The following RMDN1 variants were observed in gnomAD, a reference collection of about 807,000 sequenced individuals.
RMDN1 encodes regulator of microtubule dynamics 1.
Under a neutral mutation model 48.9 loss-of-function variants are expected in RMDN1, and 48 were observed. The ratio of observed to expected loss-of-function variants is 0.98; its 90% CI spans 0.78 to 1.25. The LOEUF is 1.25. Among genes scored for constraint, RMDN1 ranks in the 50% most tolerant of loss-of-function variants. The probability of loss-of-function intolerance (pLI) is 0.00; values close to 1 mark genes in which losing one functional copy is unlikely to be tolerated. For missense variants in RMDN1, 418 were observed against 373.4 expected (o/e 1.12, Z -0.98); for synonymous variants, 148 against 132.6 (o/e 1.12, Z -0.80).
In RMDN1 at chr8:86,473,609, T is replaced by TA. The variant is rs760157862; in HGVS notation, c.*698dup. 9.8e-6 allele frequency: 4 copies of TA among 406,258 alleles called. No individual in the cohort carries two copies. The highest frequency in any genetic ancestry group is 1.3e-5 in the Non-Finnish European group (4 of 301,218). 25.2% of individuals were successfully genotyped at this position (406,258 alleles called of 1,614,324 possible). Reference sequence around the variant, plus strand: ...GGCAAAACCCCATCTCTACCAAAAATACAAAAGTTAGCCGAGTGTGGTGGT... The same window carrying TA: ...GGCAAAACCCCATCTCTACCAAAAATAACAAAAGTTAGCCGAGTGTGGTGGT... On this transcript the variant is annotated 3_prime_UTR_variant, in exon 10 of 10. Coordinates refer to ENST00000406452, the MANE Select transcript of RMDN1 (RefSeq NM_016033.3).
At chr8:86,486,773 G>A (rs974728370) in intron 3 of RMDN1, 130 bp from the exon 4 acceptor site, 2 of 529,726 alleles carry the variant, frequency 3.8e-6, no homozygotes, top group Non-Finnish European at 6.0e-6. Context: ...AAAGCCATTA[G>A]TAATAATGCT....
chr8:86,491,593 C>T (rs1409669785), intron 2 of RMDN1, among the ~76,000 whole-genome samples: 1 of 152,024 alleles, frequency 6.6e-6, no homozygotes, highest in East Asian at 1.9e-4. Flanking sequence ...AACATAGAGA[C>T]CATATTCTAT....
upstream of RMDN1, chr8:86,508,711 C>T: frequency 6.7e-6 from 9 of 1,343,106 alleles, no homozygotes; most frequent in African/African-American, 1.7e-5. Context: ...CGGAAAGAAC[C>T]GCGCCCGCCC....
At chr8:86,484,160 G>A (rs745435460) in intron 5 of RMDN1, among the ~76,000 whole-genome samples, 19 of 152,132 alleles carry the variant, frequency 1.2e-4, no homozygotes, top group Admixed American at 2.6e-4. Flanking sequence ...TGCAAGCAGA[G>A]GCTTGCTAGA....
intron 2 of RMDN1, among the ~76,000 whole-genome samples, chr8:86,501,784 A>G (rs528697271): frequency 6.6e-6 from 1 of 152,294 alleles, no homozygotes; most frequent in East Asian, 1.9e-4. Context: ...TGTCCTAACT[A>G]TTTTATAAGG....
chr8:86,504,864 T>A, intron 2 of RMDN1: 1 of 1,071,180 alleles, frequency 9.3e-7, no homozygotes, highest in African/African-American at 1.6e-5. Flanking sequence ...TTTAGGAGCC[T>A]GTATTTTTAT....
chr8:86,507,523 A>G (rs1293363002), intron 1 of RMDN1, among the ~76,000 whole-genome samples: 1 of 152,212 alleles, frequency 6.6e-6, no homozygotes, highest in Non-Finnish European at 1.5e-5. Flanking sequence ...ATTTTTTTGT[A>G]GAGACAGGGT....
rs1470489941 is a variant in RMDN1 at position 86,477,731 on chromosome 8, T to C, written c.730-407A>G. 2.0e-5 allele frequency among the ~76,000 whole-genome samples: 3 copies of C among 152,346 alleles called. No homozygotes were observed. In the East Asian group the frequency reaches 5.8e-4, roughly 29 times the overall value. On this transcript the variant is annotated intron_variant, in intron 7 of 9. Coordinates refer to ENST00000406452, the MANE Select transcript of RMDN1 (RefSeq NM_016033.3). ...GTGAATTTTTAAGAGTCCATTATTA[T>C]TGAAATTCCTACATACAATGTTAAG...
At position 86,486,479 on chromosome 8, in the gene RMDN1, C is replaced by T. The variant is rs200164927; in HGVS notation, c.495+5G>A. The T allele has an allele frequency of 3.2e-5, 50 of 1,580,472 alleles. No homozygotes were observed. Among genetic ancestry groups the T allele is most frequent in the Non-Finnish European group, 6.9e-6 (8 of 1,160,624 alleles). ...CATGGTTAATAGCTTAGTTAAGCAA[C>T]TCACCTTATGAGATGCAAAACTTGA... On this transcript the variant is annotated splice_donor_5th_base_variant and intron_variant, in intron 4 of 9. Transcript: ENST00000406452.
At chr8:86,483,020 A>G (rs1420694174) in intron 5 of RMDN1, 37 of 591,976 alleles carry the variant, frequency 6.3e-5, no homozygotes, top group Non-Finnish European at 9.3e-5. Context: ...GCAGCCGCCC[A>G]GGCCAGGGTT....
At chr8:86,485,520 T>A (rs541563699) in intron 4 of RMDN1, among the ~76,000 whole-genome samples, 2 of 152,238 alleles carry the variant, frequency 1.3e-5, no homozygotes, top group African/African-American at 4.8e-5. Context: ...TCCAAGAAAG[T>A]TACCAACACA....
intron 2 of RMDN1, among the ~76,000 whole-genome samples, chr8:86,502,224 ATTT>A (rs908627921): frequency 6.6e-6 from 1 of 151,438 alleles, no homozygotes; most frequent in Non-Finnish European, 1.5e-5. Flanking sequence ...GGTTTAACTA[ATTT>A]TTTTTTAACT....
chr8:86,513,904 G>A (rs940298005), intron 1 of RMDN1, among the ~76,000 whole-genome samples: 14 of 151,204 alleles, frequency 9.3e-5, no homozygotes, highest in Middle Eastern at 6.3e-3. Flanking sequence ...AGGCTGGAGT[G>A]CAGAGGCACG....
chr8:86,486,484 C>G lies in RMDN1; in HGVS notation c.495G>C (p.Lys165Asn). Residue 165 changes from lysine to asparagine, a missense_variant and splice_region_variant, in exon 4 of 10, where the codon AAG (lysine) becomes AAC (asparagine). Coordinates refer to ENST00000406452, the MANE Select transcript of RMDN1 (RefSeq NM_016033.3). ...TTAATAGCTTAGTTAAGCAACTCACCTTATGAGATGCAAAACTTGATTCAT... is the reference window on the plus strand; with the variant it reads ...TTAATAGCTTAGTTAAGCAACTCACGTTATGAGATGCAAAACTTGATTCAT... ...EKNESSFASH[K>N]WYAICLSDVG... 1.3e-6 allele frequency: 2 copies of G among 1,594,258 alleles called. No homozygotes were observed. The highest frequency in any genetic ancestry group is 1.7e-6 in the Non-Finnish European group (2 of 1,168,042).
chr8:86,481,531 C>T (rs1003439647), intron 5 of RMDN1, among the ~76,000 whole-genome samples: 2 of 146,572 alleles, frequency 1.4e-5, no homozygotes, highest in Non-Finnish European at 3.0e-5. Context: ...CAATGGATGC[C>T]TGGGGGGATC....
At chr8:86,482,076 C>T (rs564236223) in intron 5 of RMDN1, 77 of 619,078 alleles carry the variant, frequency 1.2e-4, no homozygotes, top group Admixed American at 2.3e-4. Context: ...TCACGCGGCA[C>T]GCAGCTGCTC....
intron 5 of RMDN1, among the ~76,000 whole-genome samples, chr8:86,483,178 G>C (rs112449599): frequency 6.6e-6 from 1 of 152,084 alleles, no homozygotes; most frequent in Non-Finnish European, 1.5e-5. Flanking sequence ...CAGTATAAAT[G>C]ATCTTTTTTA....
intron 3 of RMDN1, among the ~76,000 whole-genome samples, chr8:86,487,827 GA>G (rs1286604487): frequency 2.0e-5 from 3 of 152,100 alleles, no homozygotes. Context: ...GAATGGAGAA[GA>G]AAAGATCAAT....
chr8:86,500,739 G>A (rs114219521), intron 2 of RMDN1, among the ~76,000 whole-genome samples: 2,362 of 152,142 alleles, frequency 0.016, 61 homozygotes, highest in African/African-American at 0.054. Context: ...TGACACACAC[G>A]TCCTTAAGTT....
Sources: gnomAD v4.1 joint callset for allele counts (sites outside exome capture counted in the v4.1 genomes callset) on GRCh38, gnomAD v4.1.1 for gene constraint, MANE v1.5 for transcripts, NCBI Gene and HGNC (gene_info 2026-07-23, HGNC 2026-07-21) for gene names.